Variants in VPS13B observed in about 807,000 individuals in gnomAD.
VPS13B encodes intermembrane lipid transfer protein VPS13B.
Under a neutral mutation model 426.4 loss-of-function variants are expected in VPS13B, and 285 were observed. That is an observed-to-expected ratio of 0.67 (90% CI 0.61 to 0.74). The LOEUF is 0.74. Among genes scored for constraint, VPS13B ranks in the 30% least tolerant of loss-of-function variants. The pLI, the probability that VPS13B is intolerant of heterozygous loss-of-function variation, is 0.00. For synonymous variants in VPS13B, 1,676 were observed against 1,676.4 expected, an observed-to-expected ratio of 1.00 and a Z score of 0.01; for missense variants, 4,537 against 4,782.6, an observed-to-expected ratio of 0.95 and a Z score of 1.51.
intron 28 of VPS13B, 139 bp from the exon 29 acceptor site, chr8:99,510,965 G>GATC: frequency 1.1e-6 from 1 of 889,246 alleles, no homozygotes; most frequent in Non-Finnish European, 1.7e-6. Flanking sequence ...CTGCAGAATT[G>GATC]ATCAGTCATG....
chr8:99,117,400 A>T (rs1019876872), intron 7 of VPS13B, among the ~76,000 whole-genome samples: 1 of 152,186 alleles, frequency 6.6e-6, no homozygotes, highest in Non-Finnish European at 1.5e-5. Flanking sequence ...TCAAAACGTG[A>T]AACATAGAGT....
rs1175793742 is a variant in VPS13B at position 99,861,900 on chromosome 8, C to G, written c.11169C>G (p.Gly3723=). 6 of 1,596,868 alleles carry G rather than the reference C, an allele frequency of 3.8e-6. No individual in the cohort carries two copies. Among genetic ancestry groups the G allele is most frequent in the Non-Finnish European group, 5.1e-6 (6 of 1,172,570 alleles). Residue 3723 remains glycine (G), a synonymous_variant, in exon 58 of 62, where the codon GGC becomes GGG. Transcript: ENST00000357162. ...GGCGGCAGCTCCCCGAGAGCCTGGGCGAGGGGCTTCGACAGGGCCTGTCCC... is the reference window on the plus strand; with the variant it reads ...GGCGGCAGCTCCCCGAGAGCCTGGGGGAGGGGCTTCGACAGGGCCTGTCCC... ...EWRRQLPESL[G]EGLRQGLSRL...
chr8:99,215,891 G>C (rs978871077), intron 17 of VPS13B, among the ~76,000 whole-genome samples: 1 of 152,144 alleles, frequency 6.6e-6, no homozygotes, highest in Non-Finnish European at 1.5e-5. Flanking sequence ...ACCAGTCAAG[G>C]TCCAGCTTTC....
At chr8:99,074,949 ATTG>A (rs943374392) in intron 3 of VPS13B, among the ~76,000 whole-genome samples, 3 of 151,972 alleles carry the variant, frequency 2.0e-5, no homozygotes, top group Admixed American at 6.6e-5. Flanking sequence ...CAGTTTTTTA[ATTG>A]TTGTTGTGTC....
chr8:99,055,066 C>G (rs1409503835), intron 3 of VPS13B, among the ~76,000 whole-genome samples: 2 of 134,556 alleles, frequency 1.5e-5, no homozygotes, highest in Non-Finnish European at 3.2e-5. Context: ...GTTACAGGGT[C>G]TCACTCTGTT....
chr8:99,844,226 C>T (rs2130889589), intron 54 of VPS13B, among the ~76,000 whole-genome samples: 1 of 152,306 alleles, frequency 6.6e-6, no homozygotes, highest in East Asian at 1.9e-4. Context: ...CTTATTGTCA[C>T]AGTTCTGGAG....
intron 3 of VPS13B, among the ~76,000 whole-genome samples, chr8:99,082,282 A>G (rs1845524136): frequency 6.6e-6 from 1 of 152,058 alleles, no homozygotes; most frequent in Non-Finnish European, 1.5e-5. Flanking sequence ...GTCTGTTCAT[A>G]TCCTTTGCCC....
chr8:99,809,505 A>G lies in VPS13B; in HGVS notation c.8072A>G (p.Gln2691Arg). ...GRTASLIIKV[Q>R]QLNGVQKQII... ...ACTGCTTCTCTCATCATCAAGGTTC[A>G]GCAACTCAATGGAGTACAAAAACAG... Residue 2691 changes from glutamine to arginine, a missense_variant, in exon 44 of 62, where the codon CAG becomes CGG. Transcript: ENST00000357162. The G allele has an allele frequency of 6.2e-7, 1 of 1,614,070 alleles. No individual in the cohort carries two copies. The highest frequency in any genetic ancestry group is 8.5e-7 in the Non-Finnish European group (1 of 1,179,954).
chr8:99,285,635 G>T (rs1819393482), intron 19 of VPS13B, among the ~76,000 whole-genome samples: 1 of 151,692 alleles, frequency 6.6e-6, no homozygotes, highest in Non-Finnish European at 1.5e-5. Context: ...TTTTATTTTT[G>T]CAACTCATAG....
At chr8:99,064,199 C>A (rs1338688029) in intron 3 of VPS13B, among the ~76,000 whole-genome samples, 1 of 152,154 alleles carries the variant, frequency 6.6e-6, no homozygotes, top group Non-Finnish European at 1.5e-5. Context: ...TGCCTCTTCT[C>A]CCCCAAAGGA....
rs540364900 is a variant in VPS13B, at chr8:99,129,899, CT to C, written c.1207-4732del. On this transcript the variant is annotated intron_variant, in intron 8 of 61. Transcript: ENST00000357162. ...GGTGTGGTAGTGTGCACCTGTAGTCCTAACTACTCCGGAAGCTGAAGTGGGA... is the reference window on the plus strand; with the variant it reads ...GGTGTGGTAGTGTGCACCTGTAGTCCAACTACTCCGGAAGCTGAAGTGGGA... 3.3e-5 allele frequency among the ~76,000 whole-genome samples: 5 copies of C among 152,192 alleles called. No homozygotes were observed. In the South Asian group the frequency reaches 1.0e-3, roughly 32 times the overall value.
chr8:99,305,606 A>G (rs1820594485), intron 19 of VPS13B, among the ~76,000 whole-genome samples: 1 of 152,084 alleles, frequency 6.6e-6, no homozygotes. Context: ...TAAATTATGA[A>G]CAGTTCAAAT....
intron 19 of VPS13B, among the ~76,000 whole-genome samples, chr8:99,307,227 G>A (rs1003322844): frequency 2.0e-5 from 3 of 151,958 alleles, no homozygotes; most frequent in Non-Finnish European, 4.4e-5. Flanking sequence ...CTGTATGTTT[G>A]TATATATTTA....
chr8:99,860,544 C>T (rs1816783615), intron 57 of VPS13B, among the ~76,000 whole-genome samples: 1 of 152,206 alleles, frequency 6.6e-6, no homozygotes, highest in African/African-American at 2.4e-5. Flanking sequence ...ATGTTTTTTA[C>T]ACTTGTTCTT....
At chr8:99,540,709 T>C (rs1823571293) in intron 30 of VPS13B, among the ~76,000 whole-genome samples, 1 of 152,220 alleles carries the variant, frequency 6.6e-6, no homozygotes, top group African/African-American at 2.4e-5. Flanking sequence ...TATTCTATAT[T>C]ATCTCAGTTT....
chr8:99,442,883 T>G (rs920043187), intron 23 of VPS13B, among the ~76,000 whole-genome samples: 17 of 152,064 alleles, frequency 1.1e-4, no homozygotes, highest in Non-Finnish European at 2.5e-4. Flanking sequence ...AATGTAAACG[T>G]AGGAAAAATT....
intron 35 of VPS13B, chr8:99,696,837 C>T (rs376236916): frequency 3.5e-6 from 4 of 1,127,786 alleles, no homozygotes; most frequent in Non-Finnish European, 2.7e-6. Flanking sequence ...CAGCTGGTGG[C>T]GCCGTGCAAG....
rs148551525 is a variant in VPS13B, at chr8:99,700,008, G to A, written c.6454+76G>A. The A allele has an allele frequency of 3.8e-4, 589 of 1,537,340 alleles. 2 individuals carry two copies. The African/African-American group carries it at 7.2e-3, about 19-fold the overall frequency. ...TTAACATCTGAAAATGCATCATTTT[G>A]AAGATTTATATTATGTAGAAGTTAA... On this transcript the variant is annotated intron_variant, in intron 36 of 61. Transcript: ENST00000357162.
At chr8:99,592,433 T>G (rs562409954) in intron 33 of VPS13B, among the ~76,000 whole-genome samples, 2 of 152,174 alleles carry the variant, frequency 1.3e-5, no homozygotes, top group African/African-American at 4.8e-5. Flanking sequence ...TCTGCTCTGG[T>G]TTCTCCCCAT....
Sources: allele counts gnomAD v4.1 joint callset (sites outside exome capture counted in the v4.1 genomes callset), GRCh38; gene constraint gnomAD v4.1.1; transcripts MANE v1.5; gene names NCBI Gene and HGNC (gene_info 2026-07-23, HGNC 2026-07-21).